RYR3: variants seen among roughly 807,000 people sequenced by gnomAD.
RYR3 encodes brain ryanodine receptor-calcium release channel.
Under a neutral mutation model 584.3 loss-of-function variants are expected in RYR3, and 207 were observed. That is an observed-to-expected ratio of 0.35 (90% confidence interval 0.32 to 0.40). The LOEUF is 0.40. Ranked by LOEUF, RYR3 falls within the 10% of genes least tolerant of loss-of-function variation. RYR3 has a pLI of 1.00. For missense variants in RYR3, 5,616 were observed against 6,089.2 expected (o/e 0.92, Z 2.59); for synonymous variants, 2,416 against 2,248.5 (o/e 1.07, Z -2.11).
intron 25 of RYR3, 139 bp downstream of exon 25, chr15:33,634,872 A>AT (rs199849059): frequency 8.0e-5 from 56 of 697,248 alleles, no homozygotes; most frequent in Middle Eastern, 3.5e-4. Flanking sequence ...AAATGGTGTG[A>AT]TTTTTTTTAT....
intron 50 of RYR3, among the ~76,000 whole-genome samples, chr15:33,739,021 C>T (rs1366652318): frequency 6.6e-6 from 1 of 152,146 alleles, no homozygotes; most frequent in African/African-American, 2.4e-5. Context: ...AGACCTTAAG[C>T]CATTCTGGGA....
chr15:33,832,296 A>AAG (rs1037371851), intron 86 of RYR3, among the ~76,000 whole-genome samples: 1 of 151,452 alleles, frequency 6.6e-6, no homozygotes, highest in Non-Finnish European at 1.5e-5. Context: ...TCAGTCTCAA[A>AAG]AAAAAAAAGA....
At chr15:33,530,492 T>C (rs2054774582) in intron 3 of RYR3, 100 bp from the exon 4 acceptor site, 2 of 804,472 alleles carry the variant, frequency 2.5e-6, no homozygotes, top group East Asian at 5.3e-5. Context: ...TTGCAATGGG[T>C]CTTTTCCTGG....
intron 85 of RYR3, among the ~76,000 whole-genome samples, chr15:33,829,430 G>T (rs2152968912): frequency 6.6e-6 from 1 of 152,252 alleles, no homozygotes; most frequent in Middle Eastern, 3.4e-3. Flanking sequence ...CTTCTGGAAA[G>T]GATTCAACAT....
intron 12 of RYR3, among the ~76,000 whole-genome samples, chr15:33,578,779 C>A (rs56900939): frequency 1.4e-3 from 100 of 71,918 alleles, no homozygotes; most frequent in African/African-American, 2.6e-3. Flanking sequence ...AAAAAAAAAA[C>A]AACAACAAAA....
At chr15:33,762,973 C>T (rs749631579) in intron 60 of RYR3, among the ~76,000 whole-genome samples, 12 of 152,028 alleles carry the variant, frequency 7.9e-5, no homozygotes, top group South Asian at 2.1e-4. Flanking sequence ...ACACATCTAC[C>T]GCCATCTGAC....
intron 67 of RYR3, among the ~76,000 whole-genome samples, chr15:33,797,334 A>G (rs528972309): frequency 1.3e-5 from 2 of 152,146 alleles, no homozygotes; most frequent in Non-Finnish European, 2.9e-5. Flanking sequence ...CAAGCGACTA[A>G]ATATTGACAG....
intron 43 of RYR3, 158 bp from the exon 44 acceptor site, chr15:33,722,557 G>C (rs2068017991): frequency 4.4e-6 from 3 of 679,494 alleles, no homozygotes; most frequent in East Asian, 5.5e-5. Context: ...AGATGTCTTA[G>C]TTCCTTCTCC....
intron 1 of RYR3, among the ~76,000 whole-genome samples, chr15:33,316,239 G>A (rs74005170): frequency 6.6e-6 from 1 of 151,970 alleles, no homozygotes; most frequent in South Asian, 2.1e-4. Flanking sequence ...TCTTTGCTTT[G>A]TGTTATTTTT....
At chr15:33,456,848 C>T (rs1230233945) in intron 1 of RYR3, among the ~76,000 whole-genome samples, 2 of 152,236 alleles carry the variant, frequency 1.3e-5, no homozygotes, top group East Asian at 3.9e-4. Flanking sequence ...CATTCTATAT[C>T]ATTAATTTGC....
intron 43 of RYR3, among the ~76,000 whole-genome samples, chr15:33,721,713 T>G (rs1214994452): frequency 2.0e-5 from 3 of 152,158 alleles, no homozygotes; most frequent in Non-Finnish European, 4.4e-5. Context: ...TGCTCTTGAG[T>G]CTTGGCTCAG....
intron 43 of RYR3, among the ~76,000 whole-genome samples, chr15:33,709,637 T>C (rs934395278): frequency 1.3e-5 from 2 of 152,228 alleles, no homozygotes; most frequent in Non-Finnish European, 2.9e-5. Context: ...TCTCTTGCCA[T>C]GTGATGCCTT....
At chr15:33,648,474 C>T in intron 30 of RYR3, among the ~76,000 whole-genome samples, 1 of 152,192 alleles carries the variant, frequency 6.6e-6, no homozygotes, top group East Asian at 1.9e-4. Flanking sequence ...ATTGTATGAG[C>T]CCTGCCAAAA....
intron 1 of RYR3, among the ~76,000 whole-genome samples, chr15:33,433,333 C>G (rs1345312072): frequency 1.3e-5 from 2 of 152,166 alleles, no homozygotes; most frequent in African/African-American, 4.8e-5. Flanking sequence ...CATGTCCCCC[C>G]AAATCCTTTA....
At chr15:33,742,846 C>T (rs1317981628) in intron 52 of RYR3, among the ~76,000 whole-genome samples, 2 of 152,088 alleles carry the variant, frequency 1.3e-5, no homozygotes, top group Non-Finnish European at 2.9e-5. Flanking sequence ...TTACATGTTT[C>T]TGGAAGGCTG....
chr15:33,339,777 T>C (rs1306865096), intron 1 of RYR3, among the ~76,000 whole-genome samples: 3 of 149,452 alleles, frequency 2.0e-5, no homozygotes, highest in African/African-American at 7.4e-5. Flanking sequence ...TAGTCCCAGC[T>C]ACTCGGGAGG....
chr15:33,578,765 TA>T (rs1263790835), intron 12 of RYR3, among the ~76,000 whole-genome samples: 92 of 26,768 alleles, frequency 3.4e-3, no homozygotes, highest in East Asian at 0.028. Context: ...GAACTTAGAA[TA>T]AAAAAAAAAA....
rs553433180 is a variant in RYR3 at position 33,865,570 on chromosome 15, T to G, written c.*344T>G. 2 of 212,726 alleles carry G rather than the reference T, an allele frequency of 9.4e-6. No individual in the cohort carries two copies. The highest frequency in any genetic ancestry group is 1.1e-4 in the East Asian group (1 of 9,152). The allele number at this position is 212,726 out of a possible 1,614,324, so 13.2% of individuals were successfully genotyped here. A position where few individuals can be genotyped will look rare whatever the true frequency, so the allele number is the denominator to read the frequency against. ...CTAGAGAAGTATGAAATCTCGAATGTGTAATACCTGAAAATTTAAACACTT... is the reference window on the plus strand; with the variant it reads ...CTAGAGAAGTATGAAATCTCGAATGGGTAATACCTGAAAATTTAAACACTT... On this transcript the variant is annotated 3_prime_UTR_variant, in exon 104 of 104. Transcript: ENST00000634891.
intron 70 of RYR3, among the ~76,000 whole-genome samples, chr15:33,809,839 C>G (rs2076422877): frequency 6.6e-6 from 1 of 152,100 alleles, no homozygotes; most frequent in South Asian, 2.1e-4. Flanking sequence ...ACTGAGTGAA[C>G]TCTCTCTGAA....
Sources: gnomAD v4.1 joint callset for allele counts (sites outside exome capture counted in the v4.1 genomes callset) on GRCh38, gnomAD v4.1.1 for gene constraint, MANE v1.5 for transcripts, NCBI Gene and HGNC (gene_info 2026-07-23, HGNC 2026-07-21) for gene names.